RTN3: variants seen among roughly 807,000 people sequenced by gnomAD.
The protein encoded by RTN3 is reticulon 3, also known as reticulon-3.
RTN3 carries 49 observed loss-of-function variants against 77.8 expected under a neutral mutation model. The ratio of observed to expected loss-of-function variants is 0.63; its 90% CI spans 0.50 to 0.80. The LOEUF (loss-of-function observed/expected upper bound fraction) is 0.80, where lower values mean the gene tolerates loss of function less well. RTN3 is among the 30% of genes least tolerant of loss of function. The pLI, the probability that RTN3 is intolerant of heterozygous loss-of-function variation, is 0.00. For synonymous variants in RTN3, 464 were observed against 446.9 expected (o/e 1.04, Z -0.48); for missense variants, 1,236 against 1,211.9 (o/e 1.02, Z -0.29).
chr11:63,721,596 A>AT (rs939069873), intron 3 of RTN3, among the ~76,000 whole-genome samples: 1 of 151,056 alleles, frequency 6.6e-6, no homozygotes, highest in Non-Finnish European at 1.5e-5. Flanking sequence ...AAAAAAGAAA[A>AT]TTTTTTTTCT....
chr11:63,749,787 T>C (rs2014001819), intron 3 of RTN3, among the ~76,000 whole-genome samples: 1 of 152,146 alleles, frequency 6.6e-6, no homozygotes. Context: ...ACTCAGGAAG[T>C]GAAGGCAGGA....
intron 1 of RTN3, among the ~76,000 whole-genome samples, chr11:63,683,943 CTTTTTTT>C (rs35837590): frequency 5.4e-4 from 32 of 58,940 alleles, no homozygotes; most frequent in Non-Finnish European, 8.0e-4. Context: ...TCTTTTCTTT[CTTTTTTT>C]TTTTTTTTTT....
chr11:63,719,603 G>T lies in RTN3; in HGVS notation c.1101G>T (p.Met367Ile). Residue 367 changes from methionine (M) to isoleucine (I), a missense_variant, in exon 3 of 9, where the codon ATG (methionine) becomes ATT (isoleucine). Coordinates refer to ENST00000377819, the MANE Select transcript of RTN3 (RefSeq NM_001265589.2). Reference protein sequence around the residue: ...DCITKTTGLDMSEYNSEIPVV... With the variant: ...DCITKTTGLDISEYNSEIPVV... ...TCACAAAAACTACAGGACTTGACAT[G>T]AGTGAATATAATTCAGAAATTCCAG... is the stretch of plus-strand genomic sequence containing the variant. The T allele has an allele frequency of 6.2e-7, 1 of 1,613,914 alleles. No homozygotes were observed. Among genetic ancestry groups the T allele is most frequent in the East Asian group, 2.2e-5 (1 of 44,886 alleles).
At chr11:63,725,456 T>C (rs932005051) in intron 3 of RTN3, among the ~76,000 whole-genome samples, 3 of 152,120 alleles carry the variant, frequency 2.0e-5, no homozygotes, top group African/African-American at 7.2e-5. Flanking sequence ...TTTTTCTTTT[T>C]CTTTTTTGAG....
chr11:63,681,989 A>G (rs1051973639), intron 1 of RTN3, among the ~76,000 whole-genome samples: 4 of 152,234 alleles, frequency 2.6e-5, no homozygotes, highest in Non-Finnish European at 5.9e-5. Flanking sequence ...TGTGAGGAAA[A>G]CAGGTTGGGG....
intron 1 of RTN3, among the ~76,000 whole-genome samples, chr11:63,695,430 ACTC>A (rs1271434047): frequency 1.3e-5 from 2 of 152,110 alleles, no homozygotes; most frequent in Non-Finnish European, 2.9e-5. Context: ...GTGGAGCTTA[ACTC>A]CTCCACCACT....
At chr11:63,732,294 ACAGG>A (rs1286315797) in intron 3 of RTN3, among the ~76,000 whole-genome samples, 2 of 152,086 alleles carry the variant, frequency 1.3e-5, no homozygotes, top group Non-Finnish European at 2.9e-5. Context: ...AGCTAGGACT[ACAGG>A]CAGGCATCTA....
At chr11:63,695,593 T>C (rs1941896394) in intron 1 of RTN3, among the ~76,000 whole-genome samples, 1 of 152,222 alleles carries the variant, frequency 6.6e-6, no homozygotes, top group South Asian at 2.1e-4. Flanking sequence ...TGATAAGTCA[T>C]GTTGATAGTC....
chr11:63,701,054 C>T (rs1354075828), intron 1 of RTN3, among the ~76,000 whole-genome samples: 1 of 150,916 alleles, frequency 6.6e-6, no homozygotes, highest in Non-Finnish European at 1.5e-5. Context: ...TGCGCCACTG[C>T]CCTCCATCCT....
In RTN3 at chr11:63,728,900, A is replaced by AG. The variant is rs1217236391; in HGVS notation, c.2530+7868_2530+7869insG. On this transcript the variant is annotated intron_variant, in intron 3 of 8. Transcript: ENST00000377819. ...AGACTCCGTCTCAAAAAAAAAAAAA[A>AG]AAGAAAAAAGAAAAGAAAGTAGCTA... Among the ~76,000 whole-genome samples the AG allele has an allele frequency of 9.3e-4, 138 of 147,798 alleles. 1 individual carries two copies. The highest frequency in any genetic ancestry group is 3.1e-3 in the African/African-American group (127 of 40,440).
In RTN3 at chr11:63,720,120, A is replaced by G; in HGVS notation, c.1618A>G (p.Lys540Glu). ...AVVKTGEREIKEIPSCEREEK... is the reference protein window; with the variant it reads ...AVVKTGEREIEEIPSCEREEK... ...TGTAAAAACAGGTGAAAGAGAAATC[A>G]AAGAGATTCCCAGTTGTGAGAGAGA... Residue 540 changes from lysine to glutamate, a missense_variant, in exon 3 of 9, where the codon AAA becomes GAA. Physicochemically the swap from Lys to Glu is moderately conservative, Grantham distance 56 (BLOSUM62 1). Around this residue, in one of 3 missense-constraint regions of RTN3, gnomAD observed 1,056 missense variants for 990.4 expected, o/e 1.07. Coordinates refer to ENST00000377819, the MANE Select transcript of RTN3 (RefSeq NM_001265589.2). 12 of 1,613,408 alleles carry G rather than the reference A, an allele frequency of 7.4e-6. No homozygotes were observed. Among genetic ancestry groups the G allele is most frequent in the Non-Finnish European group, 1.0e-5 (12 of 1,179,810 alleles).
intron 1 of RTN3, among the ~76,000 whole-genome samples, chr11:63,687,487 G>C (rs1941435589): frequency 6.6e-6 from 1 of 152,042 alleles, no homozygotes; most frequent in Non-Finnish European, 1.5e-5. Flanking sequence ...GTGTAATCCT[G>C]TAATCCCAGC....
rs2011589268 is a variant in RTN3 at position 63,719,365 on chromosome 11, C to T, written c.863C>T (p.Ser288Leu). Residue 288 changes from serine to leucine, a missense_variant, in exon 3 of 9, where the codon TCA (serine) becomes TTA (leucine). Ser to Leu is a moderately radical substitution (Grantham distance 145). Coordinates refer to ENST00000377819, the MANE Select transcript of RTN3 (RefSeq NM_001265589.2). The part of the protein sequence containing the change: ...HTDKESSEDI[S>L]ETNDKLFPLR... ...GATAAAGAATCATCCGAAGACATTTCAGAGACTAATGACAAGCTTTTTCCA... is the reference window on the plus strand; with the variant it reads ...GATAAAGAATCATCCGAAGACATTTTAGAGACTAATGACAAGCTTTTTCCA... 1 of 1,614,066 alleles carries T rather than the reference C, an allele frequency of 6.2e-7. No homozygotes were observed. Among genetic ancestry groups the T allele is most frequent in the Non-Finnish European group, 8.5e-7 (1 of 1,180,044 alleles).
chr11:63,740,341 G>C (rs2013386491), intron 3 of RTN3, among the ~76,000 whole-genome samples: 1 of 151,286 alleles, frequency 6.6e-6, no homozygotes, highest in Non-Finnish European at 1.5e-5. Flanking sequence ...GAGTGCAGCA[G>C]TGTGATCTTG....
At chr11:63,698,224 A>C (rs1459515770) in intron 1 of RTN3, among the ~76,000 whole-genome samples, 4 of 152,010 alleles carry the variant, frequency 2.6e-5, no homozygotes, top group Admixed American at 6.6e-5. Context: ...CCTGGGCTCA[A>C]GTGATCCTTT....
rs556398752 is a variant in RTN3, at chr11:63,755,100, A to T, written c.2995-1012A>T. Among the ~76,000 whole-genome samples the T allele has an allele frequency of 3.9e-5, 6 of 152,054 alleles. 1 individual carries two copies. The South Asian group carries it at 1.2e-3, about 32-fold the overall frequency. On this transcript the variant is annotated intron_variant, in intron 7 of 8. Transcript: ENST00000377819. ...TTATTCTTTATGGATTAAGTCATCC[A>T]TCAAGAGACTTTTTGGCTTTTTGGT...
intron 3 of RTN3, among the ~76,000 whole-genome samples, chr11:63,728,904 A>T (rs1333008432): frequency 6.8e-6 from 1 of 147,080 alleles, no homozygotes; most frequent in Non-Finnish European, 1.5e-5. Flanking sequence ...AAAAAAAAAG[A>T]AAAAAGAAAA....
At position 63,720,458 on chromosome 11, in the gene RTN3, G is replaced by C. The variant is rs753691356; in HGVS notation, c.1956G>C (p.Glu652Asp). 5 of 1,613,412 alleles carry C rather than the reference G, an allele frequency of 3.1e-6. No homozygotes were observed. The East Asian group carries it at 1.1e-4, about 36-fold the overall frequency. ...AACATATAGATGATTCCTCCCCAGA[G>C]GACCTGATAGCAGCCTTTACAGAAA... ...NVKHIDDSSP[E>D]DLIAAFTETR... Residue 652 changes from glutamate to aspartate, a missense_variant, in exon 3 of 9, where the codon GAG becomes GAC. Physicochemically the swap from Glu to Asp is conservative, Grantham distance 45 (BLOSUM62 2). This residue lies in a region of RTN3 where 1,056 missense variants were observed against 990.4 expected (regional missense o/e 1.07). Coordinates refer to ENST00000377819, the MANE Select transcript of RTN3 (RefSeq NM_001265589.2).
At chr11:63,689,619 A>G (rs1366475890) in intron 1 of RTN3, among the ~76,000 whole-genome samples, 2 of 151,824 alleles carry the variant, frequency 1.3e-5, no homozygotes, top group African/African-American at 4.8e-5. Flanking sequence ...TTTATTTCAA[A>G]TAACTATTCT....
Sources: allele counts gnomAD v4.1 joint callset (sites outside exome capture counted in the v4.1 genomes callset), GRCh38; gene constraint gnomAD v4.1.1; regional missense constraint gnomAD v4.1.1; transcripts MANE v1.5; gene names NCBI Gene and HGNC (gene_info 2026-07-23, HGNC 2026-07-21).